Variants in TFCP2 observed in about 807,000 individuals in gnomAD.
The protein encoded by TFCP2 is transcription factor CP2.
Under a neutral mutation model 73.4 loss-of-function variants are expected in TFCP2, and 33 were observed. The ratio of observed to expected loss-of-function variants is 0.45; its 90% CI spans 0.34 to 0.60. TFCP2 has a LOEUF of 0.60. Ranked by LOEUF, TFCP2 falls within the 20% of genes least tolerant of loss-of-function variation. The pLI, the probability that TFCP2 is intolerant of heterozygous loss-of-function variation, is 0.01. For synonymous variants in TFCP2, 193 were observed against 211.6 expected, an observed-to-expected ratio of 0.91 and a Z score of 0.76; for missense variants, 352 against 604.0, an observed-to-expected ratio of 0.58 and a Z score of 4.37.
chr12:51,141,032 G>A (rs192553919), intron 1 of TFCP2, among the ~76,000 whole-genome samples: 1 of 151,590 alleles, frequency 6.6e-6, no homozygotes, highest in East Asian at 1.9e-4. Flanking sequence ...CTCCAGCCTG[G>A]GCAACAGAGT....
chr12:51,109,590 A>G (rs2136972237), intron 5 of TFCP2, among the ~76,000 whole-genome samples: 1 of 152,324 alleles, frequency 6.6e-6, no homozygotes, highest in African/African-American at 2.4e-5. Flanking sequence ...AGTTTCCTCA[A>G]TTTTAAGGAA....
Position 51,098,688 on chromosome 12 carries a change from G to T in TFCP2, c.1419+88C>A, listed in dbSNP as rs548195409. 9.0e-6 allele frequency: 13 copies of T among 1,449,024 alleles called. No homozygotes were observed. In the Admixed American group the frequency reaches 2.2e-4, roughly 25 times the overall value. The allele number at this position is 1,449,024 out of a possible 1,614,324, so 89.8% of individuals were successfully genotyped here. A position where few individuals can be genotyped will look rare whatever the true frequency, so the allele number is the denominator to read the frequency against. On this transcript the variant is annotated intron_variant, in intron 13 of 14. Transcript: ENST00000257915. ...ATGAAACCCTCTGATCTAGAAAACA[G>T]AACACTCTGCCCCAGGAGAACTGCT...
intron 13 of TFCP2, among the ~76,000 whole-genome samples, chr12:51,097,265 T>A (rs965001926): frequency 1.3e-5 from 2 of 151,998 alleles, no homozygotes; most frequent in African/African-American, 4.8e-5. Context: ...TTTTTCTTTT[T>A]TTGGATGAAG....
In TFCP2 at chr12:51,138,491, G is replaced by T. The variant is rs116478662; in HGVS notation, c.123-19719C>A. Among the ~76,000 whole-genome samples the T allele has an allele frequency of 5.9e-3, 897 of 151,996 alleles. 6 individuals carry two copies. Among genetic ancestry groups the T allele is most frequent in the African/African-American group, 0.019 (786 of 41,448 alleles). The stretch of plus-strand genomic sequence containing the variant: ...GTGTTTTAAGGCTTTAATTGCCGAT[G>T]ACTTTCAGGAAAATCCTGAAAGTAC... On this transcript the variant is annotated intron_variant, in intron 1 of 14. Transcript: ENST00000257915.
intron 1 of TFCP2, among the ~76,000 whole-genome samples, chr12:51,140,568 G>A: frequency 6.9e-6 from 1 of 143,976 alleles, no homozygotes; most frequent in Non-Finnish European, 1.5e-5. Flanking sequence ...TTATAGGTGT[G>A]AGCCACTGCA....
Position 51,094,148 on chromosome 12 carries a change from A to C in TFCP2, c.*1093T>G, listed in dbSNP as rs1430208293. The C allele has an allele frequency of 6.6e-6, 1 of 152,224 alleles. No homozygotes were observed. Among genetic ancestry groups the C allele is most frequent in the African/African-American group, 2.4e-5 (1 of 41,464 alleles). 9.4% of individuals were successfully genotyped at this position (152,224 alleles called of 1,614,324 possible). A position where few individuals can be genotyped will look rare whatever the true frequency, so the allele number is the denominator to read the frequency against. On this transcript the variant is annotated 3_prime_UTR_variant, in exon 15 of 15. Coordinates refer to ENST00000257915, the MANE Select transcript of TFCP2 (RefSeq NM_005653.5). ...TGCCAAGAGAAGATGCAGAGAGAGG[A>C]AACAGAAAGCAGGGATGAGACTAAC...
chr12:51,116,376 AG>A lies in TFCP2; in HGVS notation c.395del (p.Thr132MetfsTer6). On this transcript the variant is annotated frameshift_variant, in exon 4 of 15. Coordinates refer to ENST00000257915, the MANE Select transcript of TFCP2 (RefSeq NM_005653.5). LOFTEE classifies it high-confidence loss of function. ...VVFHDRRLQY[T>X]EHQQLEGWRW... ...TCCAGCCCTCTAGCTGCTGATGCTC[AG>A]TGTACTGAAGCCTTCTGTCATGGAA... is the stretch of plus-strand genomic sequence containing the variant. The A allele has an allele frequency of 6.2e-7, 1 of 1,607,074 alleles. No homozygotes were observed. The highest frequency in any genetic ancestry group is 8.5e-7 in the Non-Finnish European group (1 of 1,175,922).
chr12:51,107,354 G>T lies in TFCP2; in HGVS notation c.718-8C>A. ...TCTGTCTGCACCTTTGGGCTGAAAT[G>T]AGAAATATTTTGTTTTAAATTCAGG... On this transcript the variant is annotated splice_region_variant and splice_polypyrimidine_tract_variant and intron_variant, in intron 6 of 14. Coordinates refer to ENST00000257915, the MANE Select transcript of TFCP2 (RefSeq NM_005653.5). The T allele has an allele frequency of 6.2e-7, 1 of 1,601,984 alleles. No homozygotes were observed. Among genetic ancestry groups the T allele is most frequent in the South Asian group, 1.1e-5 (1 of 88,066 alleles).
intron 1 of TFCP2, among the ~76,000 whole-genome samples, chr12:51,163,361 G>A (rs531314336): frequency 6.6e-5 from 10 of 152,106 alleles, no homozygotes; most frequent in Admixed American, 3.9e-4. Context: ...AGGCCAAGGC[G>A]GACAGATCAC....
intron 1 of TFCP2, among the ~76,000 whole-genome samples, chr12:51,129,234 C>A (rs2136999981): frequency 6.6e-6 from 1 of 152,118 alleles, no homozygotes; most frequent in South Asian, 2.1e-4. Context: ...TAAGGAGAGG[C>A]CAGGCACGGT....
At chr12:51,104,623 A>G (rs955610678) in intron 8 of TFCP2, among the ~76,000 whole-genome samples, 3 of 152,226 alleles carry the variant, frequency 2.0e-5, no homozygotes, top group African/African-American at 7.2e-5. Context: ...TACTGTAGGA[A>G]ATACATAAAT....
At chr12:51,139,505 G>T (rs142352682) in intron 1 of TFCP2, among the ~76,000 whole-genome samples, 2,081 of 152,134 alleles carry the variant, frequency 0.014, 48 homozygotes, top group African/African-American at 0.048. Context: ...AGCCTCCCAA[G>T]TAGCTAGGAC....
intron 1 of TFCP2, among the ~76,000 whole-genome samples, chr12:51,126,951 G>T (rs910298625): frequency 2.6e-5 from 4 of 152,204 alleles, no homozygotes; most frequent in Non-Finnish European, 5.9e-5. Context: ...GGCAAGAAGA[G>T]ATGGCCCTGT....
intron 1 of TFCP2, chr12:51,156,736 G>A (rs940389034): frequency 6.6e-6 from 1 of 152,186 alleles, no homozygotes; most frequent in Non-Finnish European, 1.5e-5. Context: ...CTCCCTATGA[G>A]TTATGAGACT....
At chr12:51,162,069 C>T (rs1319658395) in intron 1 of TFCP2, among the ~76,000 whole-genome samples, 1 of 151,792 alleles carries the variant, frequency 6.6e-6, no homozygotes, top group African/African-American at 2.4e-5. Context: ...CAGAGTTGAA[C>T]AGGCAGAAGA....
intron 11 of TFCP2, among the ~76,000 whole-genome samples, chr12:51,100,232 C>A (rs1328077605): frequency 6.6e-6 from 1 of 152,124 alleles, no homozygotes; most frequent in African/African-American, 2.4e-5. Context: ...TCTAATGGGT[C>A]AGGTTCAAGA....
chr12:51,169,623 T>A (rs1350487713), intron 1 of TFCP2, among the ~76,000 whole-genome samples: 1 of 152,102 alleles, frequency 6.6e-6, no homozygotes, highest in African/African-American at 2.4e-5. Context: ...CTCGGAAGGC[T>A]GAAGTGAGAG....
rs199537526 is a variant in TFCP2, at chr12:51,125,926, C to T, written c.123-7154G>A. ...TCCTGGTCAACATGGTGAAACCCCGCCTCTACTAAAAATGCAAAAATTGGC... is the reference window on the plus strand; with the variant it reads ...TCCTGGTCAACATGGTGAAACCCCGTCTCTACTAAAAATGCAAAAATTGGC... On this transcript the variant is annotated intron_variant, in intron 1 of 14. Coordinates refer to ENST00000257915, the MANE Select transcript of TFCP2 (RefSeq NM_005653.5). Among the ~76,000 whole-genome samples, 41 of 151,336 alleles carry T rather than the reference C, an allele frequency of 2.7e-4. 1 individual carries two copies. In the East Asian group the frequency reaches 4.3e-3, roughly 16 times the overall value.
chr12:51,128,952 C>A (rs1940877846), intron 1 of TFCP2, among the ~76,000 whole-genome samples: 1 of 152,008 alleles, frequency 6.6e-6, no homozygotes, highest in South Asian at 2.1e-4. Context: ...TTAAGGGGAT[C>A]ATATTTAATA....
Sources: gnomAD v4.1 joint callset for allele counts (sites outside exome capture counted in the v4.1 genomes callset) on GRCh38, gnomAD v4.1.1 for gene constraint, MANE v1.5 for transcripts, NCBI Gene and HGNC (gene_info 2026-07-23, HGNC 2026-07-21) for gene names.